Variants in MTREX observed in about 807,000 individuals in gnomAD.
MTREX encodes the protein exosome RNA helicase MTR4.
MTREX carries 76 observed loss-of-function variants against 135.4 expected under a neutral mutation model. The ratio of observed to expected loss-of-function variants is 0.56; its 90% CI spans 0.47 to 0.68. MTREX has a LOEUF of 0.68. MTREX is among the 30% of genes least tolerant of loss of function. MTREX has a pLI of 0.00. For synonymous variants in MTREX, 404 were observed against 401.6 expected, an observed-to-expected ratio of 1.01 and a Z score of -0.07; for missense variants, 920 against 1,262.1, an observed-to-expected ratio of 0.73 and a Z score of 4.11.
chr5:55,402,824 G>T (rs200316262), intron 21 of MTREX, among the ~76,000 whole-genome samples: 1 of 91,102 alleles, frequency 1.1e-5, no homozygotes, highest in Non-Finnish European at 2.2e-5. Context: ...CACATTATAT[G>T]TGTGTGTGTG....
rs780829200 is a variant in MTREX, at chr5:55,388,110, CATAACTTTCTGTCTT to C, written c.2181+9_2181+23del. On this transcript the variant is annotated intron_variant, in intron 19 of 26. Coordinates refer to ENST00000230640, the MANE Select transcript of MTREX (RefSeq NM_015360.5). ...GAGAAAGGAGAGATGCAGGTTTGTACATAACTTTCTGTCTTCTGATTTCAGATATTCTGTAACTTA... is the reference window on the plus strand; with the variant it reads ...GAGAAAGGAGAGATGCAGGTTTGTACCTGATTTCAGATATTCTGTAACTTA... 332 of 1,591,718 alleles carry C rather than the reference CATAACTTTCTGTCTT, an allele frequency of 2.1e-4. No individual in the cohort carries two copies. Among genetic ancestry groups the C allele is most frequent in the Non-Finnish European group, 2.7e-4 (320 of 1,165,422 alleles).
chr5:55,414,619 T>C (rs1157252895), intron 24 of MTREX, among the ~76,000 whole-genome samples: 7 of 152,124 alleles, frequency 4.6e-5, no homozygotes, highest in Non-Finnish European at 1.0e-4. Context: ...TGCACATTTT[T>C]TCATTCTGGT....
chr5:55,308,716 T>A (rs1386895234), intron 1 of MTREX, among the ~76,000 whole-genome samples: 1 of 152,164 alleles, frequency 6.6e-6, no homozygotes, highest in East Asian at 1.9e-4. Context: ...ATCGTGAGTT[T>A]ATTGAGAAAA....
chr5:55,328,689 G>A lies in MTREX; in HGVS notation c.403-10G>A. ...GTTTTTATGCAGATATTAATGTTTT[G>A]TTTTTATAGGAATACCCGTTCATTC... is the stretch of plus-strand genomic sequence containing the variant. On this transcript the variant is annotated splice_polypyrimidine_tract_variant and intron_variant, in intron 4 of 26. Transcript: ENST00000230640. 1 of 1,578,724 alleles carries A rather than the reference G, an allele frequency of 6.3e-7. No individual in the cohort carries two copies. The highest frequency in any genetic ancestry group is 8.7e-7 in the Non-Finnish European group (1 of 1,149,274).
intron 5 of MTREX, among the ~76,000 whole-genome samples, chr5:55,330,753 T>C (rs1220883058): frequency 6.6e-6 from 1 of 152,082 alleles, no homozygotes; most frequent in Non-Finnish European, 1.5e-5. Context: ...TTGGGGAAAT[T>C]TCAGACATTT....
intron 1 of MTREX, among the ~76,000 whole-genome samples, chr5:55,320,620 AT>A (rs1274552731): frequency 1.3e-5 from 2 of 150,632 alleles, no homozygotes; most frequent in African/African-American, 4.9e-5. Flanking sequence ...GTGCAAAAAA[AT>A]AGAATATTAC....
chr5:55,368,501 G>C (rs1750140090), intron 16 of MTREX, among the ~76,000 whole-genome samples: 1 of 152,118 alleles, frequency 6.6e-6, no homozygotes, highest in South Asian at 2.1e-4. Flanking sequence ...TTTAATGACT[G>C]AATAATGTTT....
intron 6 of MTREX, 65 bp from the exon 7 acceptor site, chr5:55,341,616 T>TG (rs1749650362): frequency 1.2e-6 from 1 of 813,118 alleles, no homozygotes; most frequent in Admixed American, 2.8e-5. Context: ...AAAAAACAAC[T>TG]TTTCTCTAAC....
intron 21 of MTREX, chr5:55,405,109 C>T (rs1750782197): frequency 5.5e-6 from 1 of 181,168 alleles, no homozygotes; most frequent in Non-Finnish European, 1.2e-5. Flanking sequence ...TGTTCTCTGT[C>T]TCAAGCTTTT....
intron 1 of MTREX, among the ~76,000 whole-genome samples, chr5:55,315,904 T>A (rs1343016769): frequency 6.6e-6 from 1 of 151,566 alleles, no homozygotes; most frequent in Non-Finnish European, 1.5e-5. Flanking sequence ...ATCATTGTTT[T>A]ATACCCCGGC....
Position 55,343,428 on chromosome 5 carries a change from T to C in MTREX, c.879T>C (p.Ala293=). 2 of 1,613,278 alleles carry C rather than the reference T, an allele frequency of 1.2e-6. No homozygotes were observed. The highest frequency in any genetic ancestry group is 1.7e-6 in the Non-Finnish European group (2 of 1,179,686). Residue 293 remains alanine (A), a synonymous_variant, in exon 8 of 27, where the codon GCT becomes GCC. Coordinates refer to ENST00000230640, the MANE Select transcript of MTREX (RefSeq NM_015360.5). ...SATIPNARQF[A]EWICHLHKQP... is the part of the protein sequence containing the mutation. The stretch of plus-strand genomic sequence containing the variant: ...CTATTCCAAATGCCCGACAGTTTGC[T>C]GAATGGATTTGCCATTTACATAAAC...
chr5:55,405,398 C>G, intron 21 of MTREX, 27 bp from the exon 22 acceptor site: 1 of 1,575,426 alleles, frequency 6.3e-7, no homozygotes, highest in South Asian at 1.1e-5. Flanking sequence ...TATTATTGAA[C>G]TTTCTTTATA....
chr5:55,325,760 C>T (rs1261775373), intron 3 of MTREX, among the ~76,000 whole-genome samples: 1 of 152,088 alleles, frequency 6.6e-6, no homozygotes, highest in Non-Finnish European at 1.5e-5. Flanking sequence ...AATAGTTTTT[C>T]AACCCTTTCC....
intron 1 of MTREX, among the ~76,000 whole-genome samples, chr5:55,318,912 C>T (rs1225216675): frequency 6.6e-6 from 1 of 152,082 alleles, no homozygotes; most frequent in African/African-American, 2.4e-5. Context: ...AAAAAAACTT[C>T]TTATTTGACA....
chr5:55,331,753 C>A (rs1749478737), intron 5 of MTREX, among the ~76,000 whole-genome samples: 1 of 152,168 alleles, frequency 6.6e-6, no homozygotes, highest in Non-Finnish European at 1.5e-5. Context: ...GGGAAACTTC[C>A]AGGGTTTACC....
chr5:55,340,872 GCAC>G (rs1487314304), intron 6 of MTREX, among the ~76,000 whole-genome samples: 1 of 152,010 alleles, frequency 6.6e-6, no homozygotes, highest in African/African-American at 2.4e-5. Context: ...TGAGCCAACC[GCAC>G]CCAGCCAAGT....
Position 55,345,223 on chromosome 5 carries a change from A to G in MTREX, c.1108+27A>G, listed in dbSNP as rs1048905648. The G allele has an allele frequency of 2.9e-6, 4 of 1,403,384 alleles. No homozygotes were observed. In the East Asian group the frequency reaches 9.2e-5, roughly 32 times the overall value. 86.9% of individuals were successfully genotyped at this position (1,403,384 alleles called of 1,614,324 possible). On this transcript the variant is annotated intron_variant, in intron 10 of 26. Coordinates refer to ENST00000230640, the MANE Select transcript of MTREX (RefSeq NM_015360.5). ...TAATTTGGAACTTTGCTTTGAGAGA[A>G]TTTTACATGTAAATTGTATATTCAG...
At chr5:55,383,338 T>C (rs1750428459) in intron 18 of MTREX, among the ~76,000 whole-genome samples, 1 of 152,204 alleles carries the variant, frequency 6.6e-6, no homozygotes, top group Non-Finnish European at 1.5e-5. Flanking sequence ...TCTTTTTGTG[T>C]TTCTTGTAAG....
chr5:55,342,447 T>C (rs1053976640), intron 7 of MTREX, among the ~76,000 whole-genome samples: 1 of 152,222 alleles, frequency 6.6e-6, no homozygotes, highest in African/African-American at 2.4e-5. Context: ...CTATGAAATA[T>C]GTGTTTATGG....
Sources: gnomAD v4.1 joint callset for allele counts (sites outside exome capture counted in the v4.1 genomes callset) on GRCh38, gnomAD v4.1.1 for gene constraint, MANE v1.5 for transcripts, NCBI Gene and HGNC (gene_info 2026-07-23, HGNC 2026-07-21) for gene names.